HIF1A: variants seen among roughly 807,000 people sequenced by gnomAD.
HIF1A encodes the protein hypoxia-inducible factor 1-alpha.
A neutral mutation model predicts 92.7 loss-of-function variants in HIF1A; 24 were observed. The observed-to-expected ratio is 0.26, with a 90% CI of 0.19 to 0.36. The LOEUF (loss-of-function observed/expected upper bound fraction) is 0.36, where lower values mean the gene tolerates loss of function less well. HIF1A is among the 10% of genes least tolerant of loss of function. The pLI is 1.00. For synonymous variants in HIF1A, 319 were observed against 338.7 expected (o/e 0.94, Z 0.64); for missense variants, 799 against 998.5 (o/e 0.80, Z 2.69).
chr14:61,724,172 C>T (rs1490758513), intron 4 of HIF1A, among the ~76,000 whole-genome samples: 1 of 150,224 alleles, frequency 6.7e-6, no homozygotes, highest in Non-Finnish European at 1.5e-5. Context: ...TTTTCAGTTA[C>T]CTTGATTTTT....
At chr14:61,738,056 C>G in intron 9 of HIF1A, 31 bp from the exon 10 acceptor site, 1 of 1,515,580 alleles carries the variant, frequency 6.6e-7, no homozygotes, top group Non-Finnish European at 8.9e-7. Flanking sequence ...TCCTTCTATA[C>G]TTTAGATTGA....
intron 4 of HIF1A, 115 bp downstream of exon 4, chr14:61,721,938 G>A (rs1334334070): frequency 1.5e-6 from 1 of 676,132 alleles, no homozygotes; most frequent in African/African-American, 1.8e-5. Context: ...GTTATTTCAT[G>A]TTTAATAAAA....
At chr14:61,743,682 T>G (rs1445755993) in intron 12 of HIF1A, among the ~76,000 whole-genome samples, 1 of 152,264 alleles carries the variant, frequency 6.6e-6, no homozygotes, top group African/African-American at 2.4e-5. Flanking sequence ...ATTATGATTA[T>G]GCATTTGGTT....
chr14:61,732,521 G>C lies in HIF1A; in HGVS notation c.877G>C (p.Asp293His), dbSNP rs1432251911. 10 of 1,543,480 alleles carry C rather than the reference G, an allele frequency of 6.5e-6. No individual in the cohort carries two copies. Among genetic ancestry groups the C allele is most frequent in the Non-Finnish European group, 9.0e-6 (10 of 1,116,554 alleles). The change falls in exon 7 of 15, where the codon GAT becomes CAT. Residue 293 changes from aspartate (D) to histidine (H), a missense_variant. Physicochemically the swap from Asp to His is moderately conservative, Grantham distance 81 (BLOSUM62 -1). Around this residue, in one of 2 missense-constraint regions of HIF1A, gnomAD observed 516 missense variants for 721.0 expected, o/e 0.72. Coordinates refer to ENST00000337138, the MANE Select transcript of HIF1A (RefSeq NM_001530.4). Reference sequence around the variant, plus strand: ...TGATCATCTGACCAAAACTCATCATGATAGTAAGTACAATGGAAGAACTCA... The same window carrying C: ...TGATCATCTGACCAAAACTCATCATCATAGTAAGTACAATGGAAGAACTCA... ...DSDHLTKTHH[D>H]MFTKGQVTTG...
chr14:61,734,624 A>G (rs1167128185), intron 8 of HIF1A, among the ~76,000 whole-genome samples: 1 of 152,250 alleles, frequency 6.6e-6, no homozygotes, highest in Non-Finnish European at 1.5e-5. Context: ...TTTTGTAGGA[A>G]GAATCCTGGC....
intron 13 of HIF1A, among the ~76,000 whole-genome samples, chr14:61,745,193 G>C (rs146030120): frequency 6.6e-6 from 1 of 152,148 alleles, no homozygotes; most frequent in Non-Finnish European, 1.5e-5. Flanking sequence ...GGGAGGCCAA[G>C]ATGAGGATCA....
chr14:61,730,094 G>C (rs1057230843), intron 6 of HIF1A, among the ~76,000 whole-genome samples: 1 of 152,056 alleles, frequency 6.6e-6, no homozygotes, highest in African/African-American at 2.4e-5. Context: ...TATGTTCATG[G>C]CACTAAAGTA....
chr14:61,737,088 T>C lies in HIF1A; in HGVS notation c.1228T>C (p.Ser410Pro). The change falls in exon 9 of 15, where the codon TCT (serine) becomes CCT (proline). Residue 410 changes from serine to proline, a missense_variant. Transcript: ENST00000337138. ...CCCAGCCGCTGGAGACACAATCATA[T>C]CTTTAGATTTTGGCAGCAACGGTGA... ...LAPAAGDTII[S>P]LDFGSNDTET... 6.2e-7 allele frequency: 1 copy of C among 1,614,040 alleles called. No individual in the cohort carries two copies. Among genetic ancestry groups the C allele is most frequent in the Non-Finnish European group, 8.5e-7 (1 of 1,179,902 alleles).
At chr14:61,745,951 C>A in intron 14 of HIF1A, 134 bp downstream of exon 14, 2 of 759,834 alleles carry the variant, frequency 2.6e-6, no homozygotes, top group African/African-American at 1.8e-5. Flanking sequence ...TGGCTGGGCG[C>A]GGTGGCTCAC....
At chr14:61,746,517 C>T (rs1594891551) in intron 14 of HIF1A, among the ~76,000 whole-genome samples, 1 of 150,906 alleles carries the variant, frequency 6.6e-6, no homozygotes, top group South Asian at 2.1e-4. Flanking sequence ...AATCATCCTA[C>T]CTCAGCCTCC....
intron 1 of HIF1A, among the ~76,000 whole-genome samples, chr14:61,707,966 CTG>C (rs1006918969): frequency 2.9e-4 from 44 of 151,948 alleles, no homozygotes; most frequent in African/African-American, 9.7e-4. Flanking sequence ...TCTCCAGCAC[CTG>C]TTGTTTCCTG....
Position 61,712,621 on chromosome 14 carries a change from A to G in HIF1A, c.36-7761A>G, listed in dbSNP as rs73329694. ...ATACTTGAAAATGCATATCCAGATAATTGTAGTAAATTCAAATATTATGTT... is the reference window on the plus strand; with the variant it reads ...ATACTTGAAAATGCATATCCAGATAGTTGTAGTAAATTCAAATATTATGTT... On this transcript the variant is annotated intron_variant, in intron 1 of 14. Transcript: ENST00000337138. Among the ~76,000 whole-genome samples the G allele has an allele frequency of 4.9e-3, 735 of 149,428 alleles. 7 individuals carry two copies. The highest frequency in any genetic ancestry group is 0.017 in the African/African-American group (689 of 40,364).
chr14:61,713,266 G>A (rs968862449), intron 1 of HIF1A, among the ~76,000 whole-genome samples: 6 of 152,226 alleles, frequency 3.9e-5, no homozygotes, highest in East Asian at 3.9e-4. Flanking sequence ...TCTTTACTTC[G>A]GAAGGATCTT....
chr14:61,736,328 A>AT (rs956522542), intron 8 of HIF1A, among the ~76,000 whole-genome samples: 111 of 150,884 alleles, frequency 7.4e-4, no homozygotes, highest in South Asian at 1.7e-3. Context: ...TGTACTGGGG[A>AT]TTTTTTTTTT....
rs753902433 is a variant in HIF1A, at chr14:61,745,705, G to A, written c.2217G>A (p.Gln739=). The A allele has an allele frequency of 3.1e-6, 5 of 1,613,132 alleles. No homozygotes were observed. In the African/African-American group the frequency reaches 5.3e-5, roughly 17 times the overall value. Residue 739 remains glutamine, a synonymous_variant, in exon 14 of 15, where the codon CAG becomes CAA. Transcript: ENST00000337138. ...FQAVGIGTLL[Q]QPDDHAATTS... ...ACTGTTTATAGGGAACATTATTACA[G>A]CAGCCAGACGATCATGCAGCTACTA... is the stretch of plus-strand genomic sequence containing the variant.
chr14:61,724,287 A>G (rs896778896), intron 4 of HIF1A, among the ~76,000 whole-genome samples: 5 of 148,876 alleles, frequency 3.4e-5, no homozygotes, highest in Admixed American at 2.7e-4. Flanking sequence ...AGGATTTTGC[A>G]TGTGGATCTT....
rs1042334336 is a variant in HIF1A, at chr14:61,721,818, G to C, written c.452G>C (p.Arg151Thr). The C allele has an allele frequency of 5.6e-6, 9 of 1,605,628 alleles. No individual in the cohort carries two copies. Among genetic ancestry groups the C allele is most frequent in the African/African-American group, 2.7e-5 (2 of 74,766 alleles). Residue 151 changes from arginine (R) to threonine (T), a missense_variant, in exon 4 of 15, where the codon AGA becomes ACA. By Grantham distance (71) the Arg-to-Thr change is moderately conservative (BLOSUM62 -1). Transcript: ENST00000337138. ...HEEMREMLTH[R>T]NGLVKKGKEQ... ...GAAATGAGAGAAATGCTTACACACA[G>C]AAATGGTAAGAAAAGTCTGTTGTTT...
intron 1 of HIF1A, among the ~76,000 whole-genome samples, chr14:61,711,747 T>C (rs1216974465): frequency 1.3e-5 from 2 of 152,222 alleles, no homozygotes; most frequent in Non-Finnish European, 2.9e-5. Context: ...TATTCCACGA[T>C]TCATTTGTTA....
intron 1 of HIF1A, among the ~76,000 whole-genome samples, chr14:61,711,513 T>C (rs916251184): frequency 2.0e-5 from 3 of 152,220 alleles, no homozygotes; most frequent in African/African-American, 4.8e-5. Context: ...TTTCAGCAAA[T>C]TGGCTTTCTA....
Sources: gnomAD v4.1 joint callset for allele counts (sites outside exome capture counted in the v4.1 genomes callset) on GRCh38, gnomAD v4.1.1 for gene constraint, gnomAD v4.1.1 regional missense constraint, MANE v1.5 for transcripts, NCBI Gene and HGNC (gene_info 2026-07-23, HGNC 2026-07-21) for gene names.